Variants in KCNMB2 observed in about 807,000 individuals in gnomAD.
The protein encoded by KCNMB2 is calcium-activated potassium channel subunit beta-2.
KCNMB2 carries 9 observed loss-of-function variants against 24.5 expected under a neutral mutation model. The observed-to-expected ratio is 0.37, with a 90% confidence interval of 0.22 to 0.64. The LOEUF (loss-of-function observed/expected upper bound fraction) is 0.64, where lower values mean the gene tolerates loss of function less well. Among genes scored for constraint, KCNMB2 ranks in the 30% least tolerant of loss-of-function variants. The probability of loss-of-function intolerance (pLI) is 0.63; values close to 1 mark genes in which losing one functional copy is unlikely to be tolerated. For synonymous variants in KCNMB2, 109 were observed against 104.4 expected (o/e 1.04, Z -0.27); for missense variants, 226 against 284.3 (o/e 0.79, Z 1.47).
At chr3:178,814,060 G>A (rs577272887) in intron 2 of KCNMB2, among the ~76,000 whole-genome samples, 1 of 152,184 alleles carries the variant, frequency 6.6e-6, no homozygotes, top group East Asian at 1.9e-4. Flanking sequence ...GGCATATTGA[G>A]TAATACTGAA....
intron 1 of KCNMB2, among the ~76,000 whole-genome samples, chr3:178,665,940 C>T (rs987882235): frequency 7.2e-5 from 11 of 152,160 alleles, no homozygotes; most frequent in African/African-American, 1.7e-4. Flanking sequence ...ATAGCATCCC[C>T]GTTAAGCCTT....
intron 1 of KCNMB2, among the ~76,000 whole-genome samples, chr3:178,737,505 G>C (rs1559996029): frequency 6.6e-6 from 1 of 152,138 alleles, no homozygotes; most frequent in African/African-American, 2.4e-5. Context: ...ATTGTTAGTA[G>C]AATAAAAAAT....
chr3:178,560,099 T>A lies in KCNMB2; in HGVS notation c.-68+23388T>A, dbSNP rs570092461. Among the ~76,000 whole-genome samples the A allele has an allele frequency of 5.5e-4, 82 of 148,546 alleles. 1 individual carries two copies. The Middle Eastern group carries it at 0.021, about 39-fold the overall frequency. Reference sequence around the variant, plus strand: ...ATTACTAATATATATAAATTACTTTTTATATATATATAAATTAAGAACCAC... The same window carrying A: ...ATTACTAATATATATAAATTACTTTATATATATATATAAATTAAGAACCAC... On this transcript the variant is annotated intron_variant, in intron 1 of 4. Coordinates refer to ENST00000452583, the MANE Select transcript of KCNMB2 (RefSeq NM_181361.3).
At chr3:178,746,783 C>T (rs2108383690) in intron 1 of KCNMB2, among the ~76,000 whole-genome samples, 1 of 152,320 alleles carries the variant, frequency 6.6e-6, no homozygotes, top group South Asian at 2.1e-4. Flanking sequence ...CCACCAGTCT[C>T]TTTGCTAAAG....
intron 1 of KCNMB2, among the ~76,000 whole-genome samples, chr3:178,776,382 C>T (rs908928308): frequency 6.6e-6 from 1 of 152,114 alleles, no homozygotes; most frequent in African/African-American, 2.4e-5. Context: ...CTTTTCACCC[C>T]TACCCTTGGT....
chr3:178,758,082 A>ATCT (rs1491362905), intron 1 of KCNMB2, among the ~76,000 whole-genome samples: 18 of 89,148 alleles, frequency 2.0e-4, no homozygotes, highest in South Asian at 3.6e-4. Flanking sequence ...ATATATATAT[A>ATCT]CACAAGAGGA....
intron 1 of KCNMB2, among the ~76,000 whole-genome samples, chr3:178,724,318 T>G (rs972009546): frequency 1.9e-4 from 29 of 152,150 alleles, no homozygotes; most frequent in Admixed American, 3.3e-4. Flanking sequence ...TTGAGAAGGA[T>G]CTGTTCATGT....
chr3:178,549,610 AACC>A (rs1715882614), intron 1 of KCNMB2, among the ~76,000 whole-genome samples: 1 of 151,778 alleles, frequency 6.6e-6, no homozygotes, highest in Non-Finnish European at 1.5e-5. Flanking sequence ...TATAGGCGTG[AACC>A]ACCATGTCAG....
At chr3:178,693,626 G>A (rs1006906086) in intron 1 of KCNMB2, among the ~76,000 whole-genome samples, 1 of 152,142 alleles carries the variant, frequency 6.6e-6, no homozygotes, top group African/African-American at 2.4e-5. Flanking sequence ...ACAAGTTGTT[G>A]ATATGCTGAT....
chr3:178,739,470 A>G (rs1018726978), intron 1 of KCNMB2, among the ~76,000 whole-genome samples: 1 of 152,232 alleles, frequency 6.6e-6, no homozygotes, highest in Non-Finnish European at 1.5e-5. Context: ...TCAAAGGCAA[A>G]TGAATTATCT....
intron 1 of KCNMB2, among the ~76,000 whole-genome samples, chr3:178,574,795 T>G (rs1716932217): frequency 6.6e-6 from 1 of 152,180 alleles, no homozygotes; most frequent in Non-Finnish European, 1.5e-5. Flanking sequence ...GGGCCAGGCG[T>G]GGTGGCTTAT....
intron 1 of KCNMB2, among the ~76,000 whole-genome samples, chr3:178,773,350 G>A (rs1345104038): frequency 1.3e-5 from 2 of 151,948 alleles, no homozygotes; most frequent in African/African-American, 2.4e-5. Flanking sequence ...TAAATTTTAA[G>A]TATTTTAAAA....
chr3:178,747,940 G>A (rs1723725336), intron 1 of KCNMB2, among the ~76,000 whole-genome samples: 2 of 152,208 alleles, frequency 1.3e-5, no homozygotes, highest in Non-Finnish European at 2.9e-5. Context: ...CCAAATAGAG[G>A]AGTCTGTTTG....
chr3:178,825,716 A>G lies in KCNMB2; in HGVS notation c.185A>G (p.Tyr62Cys). 6.2e-7 allele frequency: 1 copy of G among 1,613,638 alleles called. No homozygotes were observed. ...ATGATGGTGTGCTCCATCATGATGT[A>G]TTTTCTGCTGGGAATCACACTCCTG... ...LAMMVCSIMM[Y>C]FLLGITLLRS... Residue 62 changes from tyrosine (Y) to cysteine (C), a missense_variant, in exon 3 of 5, where the codon TAT (tyrosine) becomes TGT (cysteine). Physicochemically the swap from Tyr to Cys is radical, Grantham distance 194 (BLOSUM62 -2). Transcript: ENST00000452583.
In KCNMB2 at chr3:178,663,997, C is replaced by T. The variant is rs1720629350; in HGVS notation, c.-68+127286C>T. On this transcript the variant is annotated intron_variant, in intron 1 of 4. Transcript: ENST00000452583. ...AAAGAAGAAAAACTAGTCCTTCTAACCATCTAGAGGGGAGGGAAAAGAAAG... is the reference window on the plus strand; with the variant it reads ...AAAGAAGAAAAACTAGTCCTTCTAATCATCTAGAGGGGAGGGAAAAGAAAG... Among the ~76,000 whole-genome samples, 3 of 152,088 alleles carry T rather than the reference C, an allele frequency of 2.0e-5. No individual in the cohort carries two copies. In the South Asian group the frequency reaches 6.2e-4, roughly 32 times the overall value.
chr3:178,685,039 A>G (rs961757010), intron 1 of KCNMB2, among the ~76,000 whole-genome samples: 1 of 152,056 alleles, frequency 6.6e-6, no homozygotes, highest in Non-Finnish European at 1.5e-5. Context: ...TTCCTCTTCT[A>G]CTCTGCTACT....
intron 1 of KCNMB2, among the ~76,000 whole-genome samples, chr3:178,692,850 T>C (rs1721732358): frequency 6.6e-6 from 1 of 152,218 alleles, no homozygotes; most frequent in Non-Finnish European, 1.5e-5. Flanking sequence ...ACTATGGCCA[T>C]TTTAATGATA....
intron 1 of KCNMB2, among the ~76,000 whole-genome samples, chr3:178,709,117 C>T (rs1722371602): frequency 1.3e-5 from 2 of 152,138 alleles, no homozygotes; most frequent in Non-Finnish European, 2.9e-5. Context: ...TCTGCAAATT[C>T]CCAAAGATTT....
chr3:178,704,098 C>G (rs1722198171), intron 1 of KCNMB2, among the ~76,000 whole-genome samples: 1 of 152,048 alleles, frequency 6.6e-6, no homozygotes, highest in Non-Finnish European at 1.5e-5. Context: ...TTGACAAAGT[C>G]TTTTTATGTT....
Sources: gnomAD v4.1 joint callset for allele counts (sites outside exome capture counted in the v4.1 genomes callset) on GRCh38, gnomAD v4.1.1 for gene constraint, MANE v1.5 for transcripts, NCBI Gene and HGNC (gene_info 2026-07-23, HGNC 2026-07-21) for gene names.